The following ATP8B4 variants were observed in gnomAD, a reference collection of about 807,000 sequenced individuals.
ATP8B4 encodes ATPase phospholipid transporting 8B4 (putative), also known as probable phospholipid-transporting ATPase IM.
A neutral mutation model predicts 145.6 loss-of-function variants in ATP8B4; 133 were observed. That is an observed-to-expected ratio of 0.91 (90% CI 0.79 to 1.05). The LOEUF is 1.05. Ranked by LOEUF, ATP8B4 falls within the 50% of genes least tolerant of loss-of-function variation. ATP8B4 has a pLI of 0.00. For synonymous variants in ATP8B4, 507 were observed against 492.9 expected, an observed-to-expected ratio of 1.03 and a Z score of -0.38; for missense variants, 1,458 against 1,425.2, an observed-to-expected ratio of 1.02 and a Z score of -0.37.
At chr15:49,868,299 T>A (rs2033131277) in intron 25 of ATP8B4, among the ~76,000 whole-genome samples, 1 of 152,136 alleles carries the variant, frequency 6.6e-6, no homozygotes. Flanking sequence ...ACAACAAAGT[T>A]CCTAAAGAAA....
At chr15:49,981,484 C>A (rs1338625531) in intron 10 of ATP8B4, among the ~76,000 whole-genome samples, 190 bp from the exon 11 acceptor site, 4 of 152,162 alleles carry the variant, frequency 2.6e-5, no homozygotes, top group Admixed American at 6.5e-5. Context: ...CTGGAAGCTG[C>A]AAGAGATGTG....
intron 2 of ATP8B4, among the ~76,000 whole-genome samples, chr15:50,090,104 A>G (rs1479781890): frequency 6.6e-6 from 1 of 152,126 alleles, no homozygotes; most frequent in African/African-American, 2.4e-5. Flanking sequence ...CAGCACACTA[A>G]AACAGGAACA....
chr15:50,110,776 T>A (rs10519259), intron 1 of ATP8B4, among the ~76,000 whole-genome samples: 43,746 of 152,102 alleles, frequency 0.29, 7,166 homozygotes, highest in East Asian at 0.65. Context: ...CCTAGAGGGT[T>A]GCTTTTAATA....
intron 1 of ATP8B4, among the ~76,000 whole-genome samples, chr15:50,151,148 GA>G (rs1405539836): frequency 6.6e-6 from 1 of 152,236 alleles, no homozygotes; most frequent in Non-Finnish European, 1.5e-5. Context: ...GCAATTCCAT[GA>G]AAGAAAGTTG....
intron 9 of ATP8B4, among the ~76,000 whole-genome samples, chr15:49,988,557 TTCTC>T (rs1468118597): frequency 6.6e-6 from 1 of 152,034 alleles, no homozygotes; most frequent in Non-Finnish European, 1.5e-5. Flanking sequence ...ACCTACAAAG[TTCTC>T]TCTCTCAAAA....
chr15:50,165,080 C>T (rs894345211), intron 1 of ATP8B4, among the ~76,000 whole-genome samples: 3 of 151,354 alleles, frequency 2.0e-5, no homozygotes, highest in African/African-American at 7.3e-5. Flanking sequence ...GATGGAGTCT[C>T]GCTCTGTTAC....
rs1188772260 is a variant in ATP8B4 at position 49,920,244 on chromosome 15, AC to A, written c.1923+1del. The A allele has an allele frequency of 1.2e-6, 2 of 1,613,566 alleles. No homozygotes were observed. The highest frequency in any genetic ancestry group is 1.7e-6 in the Non-Finnish European group (2 of 1,179,742). The stretch of plus-strand genomic sequence containing the variant: ...CAAACCATCATGCTTCTAAACTCAT[AC>A]CATCAAATCTCTTTCAATTTCTTCA... On this transcript the variant is annotated splice_donor_variant, in intron 18 of 27. Transcript: ENST00000284509. LOFTEE classifies it high-confidence loss of function.
chr15:50,009,200 G>A (rs977239361), intron 7 of ATP8B4: 1 of 152,244 alleles, frequency 6.6e-6, no homozygotes, highest in Middle Eastern at 3.2e-3. Context: ...TCTTTAATTA[G>A]GGCAGATACT....
At chr15:50,136,213 C>G (rs1158282094) in intron 1 of ATP8B4, among the ~76,000 whole-genome samples, 2 of 152,158 alleles carry the variant, frequency 1.3e-5, no homozygotes, top group African/African-American at 4.8e-5. Context: ...TTGGCTTTCT[C>G]TCACCAGTGA....
chr15:50,085,999 T>TA (rs1429873247), intron 2 of ATP8B4, among the ~76,000 whole-genome samples: 1 of 73,154 alleles, frequency 1.4e-5, no homozygotes, highest in Non-Finnish European at 2.2e-5. Flanking sequence ...TATATATTTA[T>TA]TATATATAAT....
chr15:50,046,704 A>C lies in ATP8B4; in HGVS notation c.201+647T>G, dbSNP rs551481016. On this transcript the variant is annotated intron_variant, in intron 4 of 27. Transcript: ENST00000284509. ...GGTAAATAACTGGCTAACATGAACT[A>C]TTTATGTGTGTGTATAGTATGTATG... Among the ~76,000 whole-genome samples, 11 of 152,318 alleles carry C rather than the reference A, an allele frequency of 7.2e-5. No individual in the cohort carries two copies. The South Asian group carries it at 2.3e-3, about 32-fold the overall frequency.
chr15:49,951,246 T>C (rs188119789), intron 14 of ATP8B4, among the ~76,000 whole-genome samples: 2 of 152,326 alleles, frequency 1.3e-5, no homozygotes, highest in East Asian at 3.9e-4. Flanking sequence ...AAGTGCTGAA[T>C]ATCCTTGGTA....
At chr15:50,060,628 C>T (rs1485872999) in intron 3 of ATP8B4, among the ~76,000 whole-genome samples, 1 of 152,138 alleles carries the variant, frequency 6.6e-6, no homozygotes, top group Admixed American at 6.6e-5. Context: ...TAAATACTTT[C>T]CCCGCCCCGC....
intron 16 of ATP8B4, among the ~76,000 whole-genome samples, chr15:49,926,913 A>C (rs1279589702): frequency 6.6e-6 from 1 of 152,152 alleles, no homozygotes; most frequent in Non-Finnish European, 1.5e-5. Flanking sequence ...GTCACATGAC[A>C]GTGTGATTTG....
intron 1 of ATP8B4, among the ~76,000 whole-genome samples, chr15:50,141,983 T>A (rs148736021): frequency 6.6e-6 from 1 of 152,308 alleles, no homozygotes; most frequent in East Asian, 1.9e-4. Flanking sequence ...ATATGGCATG[T>A]CTGAGGGGCT....
intron 13 of ATP8B4, among the ~76,000 whole-genome samples, chr15:49,969,001 G>T (rs1277649794): frequency 2.6e-5 from 4 of 152,124 alleles, no homozygotes; most frequent in Non-Finnish European, 1.5e-5. Context: ...CATGGAAACT[G>T]AACAACTTGC....
At chr15:50,063,591 T>C (rs2153626294) in intron 3 of ATP8B4, among the ~76,000 whole-genome samples, 1 of 152,228 alleles carries the variant, frequency 6.6e-6, no homozygotes, top group East Asian at 1.9e-4. Context: ...AAAAATAAAA[T>C]TAATATGAGA....
At chr15:50,125,721 C>T (rs2153678421) in intron 1 of ATP8B4, among the ~76,000 whole-genome samples, 1 of 152,314 alleles carries the variant, frequency 6.6e-6, no homozygotes, top group South Asian at 2.1e-4. Flanking sequence ...GACTACCTGC[C>T]TCACCTATTA....
intron 1 of ATP8B4, among the ~76,000 whole-genome samples, chr15:50,144,263 G>A (rs150608763): frequency 6.6e-6 from 1 of 152,304 alleles, no homozygotes; most frequent in Non-Finnish European, 1.5e-5. Flanking sequence ...AGGAGGGGAA[G>A]AGACGTGAAA....
Sources: gnomAD v4.1 joint callset for allele counts (sites outside exome capture counted in the v4.1 genomes callset) on GRCh38, gnomAD v4.1.1 for gene constraint, MANE v1.5 for transcripts, NCBI Gene and HGNC (gene_info 2026-07-23, HGNC 2026-07-21) for gene names.